Variants in GAPT observed in about 807,000 individuals in gnomAD.
The protein encoded by GAPT is GRB2 binding adaptor protein, transmembrane.
For synonymous variants in GAPT, 82 were observed against 69.7 expected (o/e 1.18, Z -0.88); for missense variants, 206 against 189.2 (o/e 1.09, Z -0.52).
At chr5:58,492,968 T>C (rs1198562824) in intron 1 of GAPT, among the ~76,000 whole-genome samples, 1 of 152,148 alleles carries the variant, frequency 6.6e-6, no homozygotes, top group Non-Finnish European at 1.5e-5. Context: ...CTGATGCACT[T>C]AGTAGCATGT....
At position 58,494,645 on chromosome 5, in the gene GAPT, G is replaced by A. The variant is rs760550846; in HGVS notation, c.109G>A (p.Val37Ile). The A allele has an allele frequency of 3.7e-6, 6 of 1,614,036 alleles. No individual in the cohort carries two copies. Among genetic ancestry groups the A allele is most frequent in the Non-Finnish European group, 5.1e-6 (6 of 1,179,942 alleles). The change falls in exon 3 of 3, where the codon GTT becomes ATT. Residue 37 changes from valine to isoleucine, a missense_variant. Coordinates refer to ENST00000502276, the MANE Select transcript of GAPT (RefSeq NM_001304431.2). ...GTGTGTTTGGCACTGGAAACACCGTGTTGCCACACGATTTACCTTACCGAG... is the reference window on the plus strand; with the variant it reads ...GTGTGTTTGGCACTGGAAACACCGTATTGCCACACGATTTACCTTACCGAG... The part of the protein sequence containing the change: ...IGCVWHWKHR[V>I]ATRFTLPRFL...
Position 58,494,688 on chromosome 5 carries a change from G to A in GAPT, c.152G>A (p.Ser51Asn). The change falls in exon 3 of 3, where the codon AGC (serine) becomes AAC (asparagine). Residue 51 changes from serine to asparagine, a missense_variant. Physicochemically the swap from Ser to Asn is conservative, Grantham distance 46. Transcript: ENST00000502276. ...FTLPRFLQRR[S>N]SRRKVCTKTF... ...TTACCGAGGTTTTTACAAAGGAGAA[G>A]CAGCAGGAGAAAAGTCTGTACTAAA... 1 of 1,613,978 alleles carries A rather than the reference G, an allele frequency of 6.2e-7. No homozygotes were observed.
Position 58,494,300 on chromosome 5 carries a change from T to C in GAPT, c.-237T>C. 1 of 453,514 alleles carries C rather than the reference T, an allele frequency of 2.2e-6. No homozygotes were observed. The highest frequency in any genetic ancestry group is 3.3e-5 in the East Asian group (1 of 30,432). The allele number at this position is 453,514 out of a possible 1,614,324, so 28.1% of individuals were successfully genotyped here. A position where few individuals can be genotyped will look rare whatever the true frequency, so the allele number is the denominator to read the frequency against. On this transcript the variant is annotated 5_prime_UTR_variant, in exon 3 of 3. An upstream start codon of the reference 5' UTR is lost. Transcript: ENST00000502276. ...CCAATACAGTACAATTATACATTAA[T>C]GGCTGTAATGTGAAGAGCATCACAC...
At position 58,495,606 on chromosome 5, in the gene GAPT, C is replaced by G. The variant is rs1744426973; in HGVS notation, c.*596C>G. ...AGATATCTTCTCCACCCTCCTTGCACCAGACTAAATCTGTATTATGTGATA... is the reference window on the plus strand; with the variant it reads ...AGATATCTTCTCCACCCTCCTTGCAGCAGACTAAATCTGTATTATGTGATA... On this transcript the variant is annotated 3_prime_UTR_variant, in exon 3 of 3. Transcript: ENST00000502276. 6.1e-6 allele frequency: 1 copy of G among 164,050 alleles called. No individual in the cohort carries two copies. The highest frequency in any genetic ancestry group is 6.5e-5 in the Admixed American group (1 of 15,280). 10.2% of individuals were successfully genotyped at this position (164,050 alleles called of 1,614,324 possible).
rs1744465053 is a variant in GAPT at position 58,496,884 on chromosome 5, C to A, written c.*1874C>A. 6.0e-6 allele frequency: 1 copy of A among 167,150 alleles called. No individual in the cohort carries two copies. Among genetic ancestry groups the A allele is most frequent in the Admixed American group, 6.5e-5 (1 of 15,274 alleles). 10.4% of individuals were successfully genotyped at this position (167,150 alleles called of 1,614,324 possible). A position where few individuals can be genotyped will look rare whatever the true frequency, so the allele number is the denominator to read the frequency against. On this transcript the variant is annotated 3_prime_UTR_variant, in exon 3 of 3. Coordinates refer to ENST00000502276, the MANE Select transcript of GAPT (RefSeq NM_001304431.2). ...CTCTGACAGCCAGACTCTCCTTCAA[C>A]CTCCTGAAGTGGTGCAGGAGACAAG...
intron 1 of GAPT, among the ~76,000 whole-genome samples, chr5:58,493,361 T>C (rs945906444): frequency 2.0e-5 from 3 of 152,166 alleles, no homozygotes; most frequent in African/African-American, 7.2e-5. Flanking sequence ...TCCTTGCCAT[T>C]TTAAAGCATC....
chr5:58,494,567 G>T lies in GAPT; in HGVS notation c.31G>T (p.Ala11Ser). 1 of 1,612,236 alleles carries T rather than the reference G, an allele frequency of 6.2e-7. No homozygotes were observed. Among genetic ancestry groups the T allele is most frequent in the East Asian group, 2.2e-5 (1 of 44,840 alleles). The change falls in exon 3 of 3, where the codon GCC (alanine) becomes TCC (serine). Residue 11 changes from alanine to serine, a missense_variant. Ala to Ser is a moderately conservative substitution (Grantham distance 99). Transcript: ENST00000502276. MSKSCGNNLA[A>S]ISVGISLLLL... ...GAAAAGCTGTGGAAATAATTTAGCG[G>T]CCATTTCTGTAGGAATTTCGCTTCT...
Position 58,496,024 on chromosome 5 carries a change from C to T in GAPT, c.*1014C>T, listed in dbSNP as rs952375440. The T allele has an allele frequency of 6.0e-6, 1 of 167,066 alleles. No homozygotes were observed. Among genetic ancestry groups the T allele is most frequent in the Non-Finnish European group, 1.5e-5 (1 of 68,118 alleles). 10.3% of individuals were successfully genotyped at this position (167,066 alleles called of 1,614,324 possible). On this transcript the variant is annotated 3_prime_UTR_variant, in exon 3 of 3. Coordinates refer to ENST00000502276, the MANE Select transcript of GAPT (RefSeq NM_001304431.2). ...TTCCTTCACAGCTTTGCTTTTCTGC[C>T]TCTTCTCTCAAGCCTGCTTCAGATC...
rs7704785 is a variant in GAPT at position 58,494,510 on chromosome 5, T to C, written c.-27T>C. The C allele has an allele frequency of 0.6, 929,882 of 1,546,114 alleles. 287,555 individuals carry two copies. The highest frequency in any genetic ancestry group is 0.72 in the African/African-American group (52,498 of 73,150). On this transcript the variant is annotated 5_prime_UTR_variant, in exon 3 of 3. Coordinates refer to ENST00000502276, the MANE Select transcript of GAPT (RefSeq NM_001304431.2). ...TGAATTCATTAAGGGTAACACCAAA[T>C]CACTAAACAGCACTGTTTGTACAGA...
rs750080599 is a variant in GAPT, at chr5:58,494,729, C to T, written c.193C>T (p.Arg65Cys). 1.2e-5 allele frequency: 20 copies of T among 1,613,778 alleles called. No homozygotes were observed. The highest frequency in any genetic ancestry group is 1.5e-5 in the Non-Finnish European group (18 of 1,179,938). ...KVCTKTFLGP[R>C]IIGLRHEISV... Reference sequence around the variant, plus strand: ...CTGTACTAAAACATTCTTGGGCCCCCGCATCATTGGCTTAAGGCATGAAAT... The same window carrying T: ...CTGTACTAAAACATTCTTGGGCCCCTGCATCATTGGCTTAAGGCATGAAAT... Residue 65 changes from arginine (R) to cysteine (C), a missense_variant, in exon 3 of 3, where the codon CGC (arginine) becomes TGC (cysteine). By Grantham distance (180) the Arg-to-Cys change is radical (BLOSUM62 -3). Transcript: ENST00000502276.
Position 58,494,710 on chromosome 5 carries a change from T to C in GAPT, c.174T>C (p.Thr58=), listed in dbSNP as rs1466901224. ...QRRSSRRKVC[T]KTFLGPRIIG... Reference sequence around the variant, plus strand: ...GAAGCAGCAGGAGAAAAGTCTGTACTAAAACATTCTTGGGCCCCCGCATCA... The same window carrying C: ...GAAGCAGCAGGAGAAAAGTCTGTACCAAAACATTCTTGGGCCCCCGCATCA... Residue 58 remains threonine, a synonymous_variant, in exon 3 of 3, where the codon ACT becomes ACC. Transcript: ENST00000502276. 13 of 1,613,876 alleles carry C rather than the reference T, an allele frequency of 8.1e-6. No individual in the cohort carries two copies. Among genetic ancestry groups the C allele is most frequent in the Non-Finnish European group, 8.5e-6 (10 of 1,179,976 alleles).
chr5:58,495,786 A>G lies in GAPT; in HGVS notation c.*776A>G, dbSNP rs560791323. 1 of 166,576 alleles carries G rather than the reference A, an allele frequency of 6.0e-6. No homozygotes were observed. The highest frequency in any genetic ancestry group is 2.1e-4 in the South Asian group (1 of 4,836). The allele number at this position is 166,576 out of a possible 1,614,324, so 10.3% of individuals were successfully genotyped here. On this transcript the variant is annotated 3_prime_UTR_variant, in exon 3 of 3. Coordinates refer to ENST00000502276, the MANE Select transcript of GAPT (RefSeq NM_001304431.2). The stretch of plus-strand genomic sequence containing the variant: ...AATTACCGATGGTGTTGCCAGATTT[A>G]TCTTCAGAAAATATTCCTAACAGCC...
rs1316655912 is a variant in GAPT at position 58,494,253 on chromosome 5, A to T, written c.-284A>T. On this transcript the variant is annotated 5_prime_UTR_variant, in exon 3 of 3. Coordinates refer to ENST00000502276, the MANE Select transcript of GAPT (RefSeq NM_001304431.2). Reference sequence around the variant, plus strand: ...TTTTGTGATTCGTTAACAGAAAAGGAAGTGGAATGGAATAAAATCCCCCAA... The same window carrying T: ...TTTTGTGATTCGTTAACAGAAAAGGTAGTGGAATGGAATAAAATCCCCCAA... 1 of 293,234 alleles carries T rather than the reference A, an allele frequency of 3.4e-6. No individual in the cohort carries two copies. Among genetic ancestry groups the T allele is most frequent in the Non-Finnish European group, 6.3e-6 (1 of 158,676 alleles). The allele number at this position is 293,234 out of a possible 1,614,324, so 18.2% of individuals were successfully genotyped here.
Position 58,494,635 on chromosome 5 carries a change from G to A in GAPT, c.99G>A (p.Trp33Ter), listed in dbSNP as rs1481373214. ...VVCGIGCVWHWKHRVATRFTL... is the reference protein window; with the variant it reads ...VVCGIGCVWH Reference sequence around the variant, plus strand: ...GTGGAATTGGGTGTGTTTGGCACTGGAAACACCGTGTTGCCACACGATTTA... The same window carrying A: ...GTGGAATTGGGTGTGTTTGGCACTGAAAACACCGTGTTGCCACACGATTTA... Residue 33 changes from tryptophan to a stop codon, truncating the protein, a stop_gained, in exon 3 of 3, where the codon TGG (tryptophan) becomes TGA (stop). Transcript: ENST00000502276. LOFTEE classifies it low-confidence loss of function (END_TRUNC). 2 of 1,614,022 alleles carry A rather than the reference G, an allele frequency of 1.2e-6. No homozygotes were observed. The highest frequency in any genetic ancestry group is 2.2e-5 in the South Asian group (2 of 91,088).
intron 1 of GAPT, among the ~76,000 whole-genome samples, chr5:58,493,113 A>G (rs992697860): frequency 2.6e-5 from 4 of 152,178 alleles, no homozygotes; most frequent in Non-Finnish European, 4.4e-5. Context: ...TATGAATAGT[A>G]CCCACTACAT....
rs572673065 is a variant in GAPT, at chr5:58,494,624, G to C, written c.88G>C (p.Val30Leu). The change falls in exon 3 of 3, where the codon GTT becomes CTT. Residue 30 changes from valine to leucine, a missense_variant. Transcript: ENST00000502276. ...LLLVVCGIGC[V>L]WHWKHRVATR... The stretch of plus-strand genomic sequence containing the variant: ...CTTAGTGGTTTGTGGAATTGGGTGT[G>C]TTTGGCACTGGAAACACCGTGTTGC... The C allele has an allele frequency of 6.2e-7, 1 of 1,614,036 alleles. No homozygotes were observed. Among genetic ancestry groups the C allele is most frequent in the Non-Finnish European group, 8.5e-7 (1 of 1,179,964 alleles).
Position 58,496,955 on chromosome 5 carries a change from C to T in GAPT, c.*1945C>T, listed in dbSNP as rs561235278. On this transcript the variant is annotated 3_prime_UTR_variant, in exon 3 of 3. Coordinates refer to ENST00000502276, the MANE Select transcript of GAPT (RefSeq NM_001304431.2). ...GTCCCAGCCTGGCAGGGCTCCTCCT[C>T]TGAGGTCTGGTAACTCTCAGCCAAG... The T allele has an allele frequency of 6.0e-6, 1 of 167,208 alleles. No homozygotes were observed. The highest frequency in any genetic ancestry group is 1.9e-4 in the East Asian group (1 of 5,170). The allele number at this position is 167,208 out of a possible 1,614,324, so 10.4% of individuals were successfully genotyped here.
intron 1 of GAPT, among the ~76,000 whole-genome samples, chr5:58,492,911 C>T (rs1744299010): frequency 6.6e-6 from 1 of 152,070 alleles, no homozygotes; most frequent in East Asian, 1.9e-4. Context: ...ATATGATTTC[C>T]AACCTTCGAG....
chr5:58,494,480 C>A lies in GAPT; in HGVS notation c.-57C>A. On this transcript the variant is annotated 5_prime_UTR_variant, in exon 3 of 3. Transcript: ENST00000502276. ...AATAATACTAGGCTACAAAGAATTA[C>A]ACTGTGAATTCATTAAGGGTAACAC... 2 of 1,362,616 alleles carry A rather than the reference C, an allele frequency of 1.5e-6. No homozygotes were observed. The highest frequency in any genetic ancestry group is 1.4e-5 in the South Asian group (1 of 73,102). 84.4% of individuals were successfully genotyped at this position (1,362,616 alleles called of 1,614,324 possible).
Sources: allele counts gnomAD v4.1 joint callset (sites outside exome capture counted in the v4.1 genomes callset), GRCh38; gene constraint gnomAD v4.1.1; transcripts MANE v1.5; gene names NCBI Gene and HGNC (gene_info 2026-07-23, HGNC 2026-07-21).